FANCL: variants seen among roughly 807,000 people sequenced by gnomAD.
The protein encoded by FANCL is E3 ubiquitin-protein ligase FANCL.
A neutral mutation model predicts 59.4 loss-of-function variants in FANCL; 69 were observed. The observed-to-expected ratio is 1.16, with a 90% CI of 0.96 to 1.42. The LOEUF (loss-of-function observed/expected upper bound fraction) is 1.42, where lower values mean the gene tolerates loss of function less well. Among genes scored for constraint, FANCL ranks in the 40% most tolerant of loss-of-function variants. FANCL has a pLI of 0.00. For missense variants in FANCL, 519 were observed against 447.2 expected (o/e 1.16, Z -1.45); for synonymous variants, 180 against 147.1 (o/e 1.22, Z -1.62).
chr2:58,226,755 G>C lies in FANCL; in HGVS notation c.246C>G (p.Ser82Arg), dbSNP rs374675609. ...AAAGCATCTTCAACTCCATCATAAA[G>C]CTCATTAGATCAGGAGAGTGCTGCA... Reference protein sequence around the residue: ...QRMQHSPDLMSFMMELKMLLE... With the variant: ...QRMQHSPDLMRFMMELKMLLE... The change falls in exon 4 of 14, where the codon AGC (serine) becomes AGG (arginine). Residue 82 changes from serine to arginine, a missense_variant. Ser to Arg is a moderately radical substitution (Grantham distance 110, BLOSUM62 -1). Coordinates refer to ENST00000233741, the MANE Select transcript of FANCL (RefSeq NM_018062.4). 2.1e-5 allele frequency: 34 copies of C among 1,612,256 alleles called. No homozygotes were observed. In the African/African-American group the frequency reaches 2.7e-4, roughly 13 times the overall value.
Position 58,221,850 on chromosome 2 carries a change from T to C in FANCL, c.374+92A>G, listed in dbSNP as rs1190030570. On this transcript the variant is annotated intron_variant, in intron 5 of 13. Coordinates refer to ENST00000233741, the MANE Select transcript of FANCL (RefSeq NM_018062.4). ...TCTAGTTACAATTAAACACTTTGAC[T>C]AAAATCAGGTATAAACTGCTAAAAC... 9.2e-6 allele frequency: 8 copies of C among 865,450 alleles called. No homozygotes were observed. The Admixed American group carries it at 1.6e-4, about 18-fold the overall frequency. 53.6% of individuals were successfully genotyped at this position (865,450 alleles called of 1,614,324 possible).
chr2:58,214,261 G>A (rs569680735), intron 5 of FANCL, among the ~76,000 whole-genome samples: 5 of 152,096 alleles, frequency 3.3e-5, no homozygotes, highest in South Asian at 2.1e-4. Flanking sequence ...ATCTATTATC[G>A]AAGTTAGAAA....
intron 7 of FANCL, among the ~76,000 whole-genome samples, chr2:58,180,270 CAT>C (rs1367735842): frequency 6.6e-6 from 1 of 152,062 alleles, no homozygotes; most frequent in Non-Finnish European, 1.5e-5. Flanking sequence ...GACATGCATA[CAT>C]ATGTTTATTC....
At chr2:58,195,432 C>T (rs1689332503) in intron 7 of FANCL, among the ~76,000 whole-genome samples, 1 of 152,054 alleles carries the variant, frequency 6.6e-6, no homozygotes, top group South Asian at 2.1e-4. Context: ...ATTGTATAAG[C>T]ATATAGAATA....
chr2:58,161,784 A>C (rs1001958083), intron 11 of FANCL, 146 bp from the exon 12 acceptor site: 9 of 640,988 alleles, frequency 1.4e-5, no homozygotes, highest in African/African-American at 3.7e-5. Flanking sequence ...CATCACCTCA[A>C]CATTTACCTT....
At chr2:58,230,852 A>G (rs1314821367) in intron 2 of FANCL, among the ~76,000 whole-genome samples, 1 of 152,112 alleles carries the variant, frequency 6.6e-6, no homozygotes, top group Non-Finnish European at 1.5e-5. Flanking sequence ...TTTTCTCCTT[A>G]ATGAATTAAC....
chr2:58,215,273 T>C (rs1027843283), intron 5 of FANCL, among the ~76,000 whole-genome samples: 10 of 152,198 alleles, frequency 6.6e-5, no homozygotes, highest in African/African-American at 2.4e-4. Flanking sequence ...CTCCTCACCA[T>C]TGTTATGCTT....
intron 1 of FANCL, among the ~76,000 whole-genome samples, chr2:58,240,792 T>C (rs1035018074): frequency 3.9e-5 from 6 of 152,338 alleles, no homozygotes; most frequent in Non-Finnish European, 7.3e-5. Context: ...CCAAATGTTC[T>C]TTCTACAGGA....
At chr2:58,219,003 AC>A in intron 5 of FANCL, among the ~76,000 whole-genome samples, 1 of 151,228 alleles carries the variant, frequency 6.6e-6, no homozygotes, top group East Asian at 1.9e-4. Context: ...AGCAACAAGC[AC>A]CCATAGTGCC....
chr2:58,238,449 AG>A (rs2104016862), intron 1 of FANCL, among the ~76,000 whole-genome samples: 1 of 152,354 alleles, frequency 6.6e-6, no homozygotes, highest in African/African-American at 2.4e-5. Context: ...TAACCAACAT[AG>A]AGAGCATCAT....
At chr2:58,196,464 C>G (rs1441201264) in intron 7 of FANCL, among the ~76,000 whole-genome samples, 3 of 151,852 alleles carry the variant, frequency 2.0e-5, no homozygotes, top group Non-Finnish European at 2.9e-5. Flanking sequence ...CTCATTACTA[C>G]GAATTCTACA....
chr2:58,208,861 A>G (rs946907216), intron 5 of FANCL, among the ~76,000 whole-genome samples: 2 of 152,180 alleles, frequency 1.3e-5, no homozygotes, highest in Non-Finnish European at 1.5e-5. Flanking sequence ...AAAATATTCA[A>G]TGAGTCCCTA....
At chr2:58,230,477 C>T (rs1693475292) in intron 2 of FANCL, among the ~76,000 whole-genome samples, 1 of 152,046 alleles carries the variant, frequency 6.6e-6, no homozygotes, top group Non-Finnish European at 1.5e-5. Flanking sequence ...TAGAAAGATA[C>T]ATACTTCTAA....
chr2:58,176,042 G>A (rs1241550341), intron 7 of FANCL, among the ~76,000 whole-genome samples: 1 of 152,006 alleles, frequency 6.6e-6, no homozygotes, highest in Non-Finnish European at 1.5e-5. Flanking sequence ...GCTTCAAAGA[G>A]AACAAAATAC....
chr2:58,188,229 T>C (rs1308041114), intron 7 of FANCL, among the ~76,000 whole-genome samples: 1 of 152,196 alleles, frequency 6.6e-6, no homozygotes, highest in Non-Finnish European at 1.5e-5. Context: ...TGTATGGGTA[T>C]ATTTCTGAAT....
chr2:58,190,304 G>A (rs548134441), intron 7 of FANCL, among the ~76,000 whole-genome samples: 1 of 152,024 alleles, frequency 6.6e-6, no homozygotes, highest in African/African-American at 2.4e-5. Flanking sequence ...TCTGCCCACA[G>A]GACCAAATGA....
chr2:58,226,782 T>C lies in FANCL; in HGVS notation c.219A>G (p.Arg73=). The change falls in exon 4 of 14, where the codon AGA becomes AGG. Residue 73 remains arginine (R), a splice_region_variant and synonymous_variant. Coordinates refer to ENST00000233741, the MANE Select transcript of FANCL (RefSeq NM_018062.4). ...TCATTAGATCAGGAGAGTGCTGCAT[T>C]CTCTAGATCAAAATATTTCCAATTA... The part of the protein sequence containing the change: ...LSGYHRIVQQ[R]MQHSPDLMSF... The C allele has an allele frequency of 6.2e-7, 1 of 1,612,002 alleles. No individual in the cohort carries two copies. The highest frequency in any genetic ancestry group is 8.5e-7 in the Non-Finnish European group (1 of 1,178,368).
At chr2:58,216,739 C>A (rs566681600) in intron 5 of FANCL, among the ~76,000 whole-genome samples, 5 of 152,024 alleles carry the variant, frequency 3.3e-5, no homozygotes, top group Non-Finnish European at 5.9e-5. Context: ...GTCCACCTTC[C>A]CATTCACACA....
intron 5 of FANCL, among the ~76,000 whole-genome samples, chr2:58,214,635 G>A (rs1009275695): frequency 2.0e-5 from 3 of 151,806 alleles, no homozygotes; most frequent in South Asian, 2.1e-4. Flanking sequence ...TCAGCCTCCC[G>A]AGAAGCTAGG....
Sources: gnomAD v4.1 joint callset for allele counts (sites outside exome capture counted in the v4.1 genomes callset) on GRCh38, gnomAD v4.1.1 for gene constraint, MANE v1.5 for transcripts, NCBI Gene and HGNC (gene_info 2026-07-23, HGNC 2026-07-21) for gene names.